The following NPAS2 variants were observed in gnomAD, a reference collection of about 807,000 sequenced individuals.
NPAS2 encodes the protein neuronal PAS domain-containing protein 2.
NPAS2 carries 23 observed loss-of-function variants against 107.5 expected under a neutral mutation model. The observed-to-expected ratio is 0.21, with a 90% CI of 0.15 to 0.30. The LOEUF (loss-of-function observed/expected upper bound fraction) is 0.30, where lower values mean the gene tolerates loss of function less well. NPAS2 is among the 10% of genes least tolerant of loss of function. The probability of loss-of-function intolerance (pLI) is 1.00; values close to 1 mark genes in which losing one functional copy is unlikely to be tolerated. For synonymous variants in NPAS2, 403 were observed against 417.5 expected (o/e 0.97, Z 0.42); for missense variants, 756 against 1,043.3 (o/e 0.72, Z 3.79).
At chr2:100,975,044 T>C in intron 13 of NPAS2, 100 bp downstream of exon 13, 1 of 1,331,064 alleles carries the variant, frequency 7.5e-7, no homozygotes, top group Non-Finnish European at 1.0e-6. Flanking sequence ...GGGCAGTCTG[T>C]GCCTCCGACA....
intron 1 of NPAS2, among the ~76,000 whole-genome samples, chr2:100,889,676 AAAGG>A (rs768685934): frequency 2.0e-5 from 3 of 152,044 alleles, no homozygotes; most frequent in Non-Finnish European, 2.9e-5. Context: ...GTGGTGGGAG[AAAGG>A]CCTCACCAGG....
At chr2:100,915,463 A>C (rs531585935) in intron 2 of NPAS2, among the ~76,000 whole-genome samples, 9 of 152,252 alleles carry the variant, frequency 5.9e-5, no homozygotes, top group Non-Finnish European at 1.0e-4. Context: ...TGAGTTTCTG[A>C]GCTCACCCCT....
chr2:100,969,465 G>C (rs963342119), intron 11 of NPAS2, among the ~76,000 whole-genome samples: 4 of 152,126 alleles, frequency 2.6e-5, no homozygotes, highest in Non-Finnish European at 1.5e-5. Context: ...TTGGTTTTCT[G>C]TTCCTGTGTT....
chr2:100,941,833 G>A (rs1350208168), intron 5 of NPAS2, among the ~76,000 whole-genome samples: 1 of 152,068 alleles, frequency 6.6e-6, no homozygotes, highest in African/African-American at 2.4e-5. Context: ...TTCCTGTTTG[G>A]GCTTTTATTT....
At chr2:100,953,318 G>A (rs1231006906) in intron 7 of NPAS2, among the ~76,000 whole-genome samples, 1 of 149,858 alleles carries the variant, frequency 6.7e-6, no homozygotes, top group Non-Finnish European at 1.5e-5. Flanking sequence ...AGGTTACAGT[G>A]AGTCGAGATC....
At chr2:100,890,277 G>A (rs1573554339) in intron 1 of NPAS2, among the ~76,000 whole-genome samples, 2 of 152,294 alleles carry the variant, frequency 1.3e-5, no homozygotes, top group African/African-American at 4.8e-5. Context: ...CAGAGGTAGT[G>A]CGAGCTCTCA....
In NPAS2 at chr2:100,882,119, T is replaced by G. The variant is rs191009229; in HGVS notation, c.-22-22614T>G. On this transcript the variant is annotated intron_variant, in intron 1 of 20. Coordinates refer to ENST00000335681, the MANE Select transcript of NPAS2 (RefSeq NM_002518.4). Reference sequence around the variant, plus strand: ...TTCTTTGTTTTGAAATAATTATAGATTCAAAGGAAGTCACCAAGAGGTTCA... The same window carrying G: ...TTCTTTGTTTTGAAATAATTATAGAGTCAAAGGAAGTCACCAAGAGGTTCA... Among the ~76,000 whole-genome samples, 149 of 152,286 alleles carry G rather than the reference T, an allele frequency of 9.8e-4. 1 individual carries two copies. Among genetic ancestry groups the G allele is most frequent in the African/African-American group, 3.4e-3 (141 of 41,572 alleles).
intron 1 of NPAS2, among the ~76,000 whole-genome samples, chr2:100,901,296 T>C (rs1175086940): frequency 6.6e-6 from 1 of 151,882 alleles, no homozygotes; most frequent in Non-Finnish European, 1.5e-5. Flanking sequence ...TTGCTCAGGT[T>C]GTTCTGGGAA....
intron 1 of NPAS2, among the ~76,000 whole-genome samples, chr2:100,824,679 A>C (rs1226547296): frequency 6.6e-6 from 1 of 152,200 alleles, no homozygotes; most frequent in Non-Finnish European, 1.5e-5. Flanking sequence ...TTGCAAGGCA[A>C]TGGTGTCCTT....
chr2:100,840,565 C>T (rs1032137427), intron 1 of NPAS2, among the ~76,000 whole-genome samples: 8 of 151,950 alleles, frequency 5.3e-5, no homozygotes, highest in South Asian at 2.1e-4. Context: ...TTCTGGTAGC[C>T]GCTTTATACC....
chr2:100,982,899 G>A (rs185323303), intron 16 of NPAS2: 1 of 153,062 alleles, frequency 6.5e-6, no homozygotes, highest in Non-Finnish European at 1.5e-5. Flanking sequence ...TGTGCCAGCA[G>A]GGAAGCTCTG....
chr2:100,860,748 G>A (rs1678888765), intron 1 of NPAS2, among the ~76,000 whole-genome samples: 1 of 152,144 alleles, frequency 6.6e-6, no homozygotes, highest in Admixed American at 6.5e-5. Context: ...ATTTGGCTGG[G>A]GAGAGCTCTT....
chr2:100,949,567 G>T, intron 7 of NPAS2, 87 bp downstream of exon 7: 2 of 784,290 alleles, frequency 2.6e-6, no homozygotes, highest in South Asian at 2.9e-5. Context: ...CCAGGGAGGA[G>T]GAGGGAGAAC....
At chr2:100,977,297 G>A (rs1033706267) in intron 14 of NPAS2, 11 of 241,614 alleles carry the variant, frequency 4.6e-5, no homozygotes, top group African/African-American at 2.0e-4. Context: ...GAAAAGATAC[G>A]GACGCACAGC....
intron 1 of NPAS2, among the ~76,000 whole-genome samples, chr2:100,822,019 G>C (rs1676101655): frequency 6.6e-6 from 1 of 152,190 alleles, no homozygotes. Context: ...GAGAGATGTG[G>C]AGTATGGCTT....
intron 7 of NPAS2, among the ~76,000 whole-genome samples, chr2:100,955,713 G>A (rs1675526585): frequency 6.6e-6 from 1 of 152,016 alleles, no homozygotes; most frequent in Non-Finnish European, 1.5e-5. Context: ...GAGTGGCTGG[G>A]GAAGTTCGTC....
intron 1 of NPAS2, among the ~76,000 whole-genome samples, chr2:100,885,923 A>G (rs1408486201): frequency 6.6e-6 from 1 of 152,218 alleles, no homozygotes; most frequent in Non-Finnish European, 1.5e-5. Context: ...AGCCTCCCAA[A>G]GTACTGGGAT....
At chr2:100,850,710 T>A (rs74672590) in intron 1 of NPAS2, among the ~76,000 whole-genome samples, 2 of 152,044 alleles carry the variant, frequency 1.3e-5, no homozygotes, top group Non-Finnish European at 2.9e-5. Flanking sequence ...CCCAGCACTT[T>A]AGGAGGCCGA....
intron 1 of NPAS2, among the ~76,000 whole-genome samples, chr2:100,840,119 CCCTT>C (rs1344715941): frequency 1.3e-5 from 2 of 152,134 alleles, no homozygotes; most frequent in Non-Finnish European, 2.9e-5. Context: ...CCCTGGAACA[CCCTT>C]CCTTCCGTCG....
Sources: allele counts gnomAD v4.1 joint callset (sites outside exome capture counted in the v4.1 genomes callset), GRCh38; gene constraint gnomAD v4.1.1; transcripts MANE v1.5; gene names NCBI Gene and HGNC (gene_info 2026-07-23, HGNC 2026-07-21).